FKBP1B: variants seen among roughly 807,000 people sequenced by gnomAD.
FKBP1B encodes peptidyl-prolyl cis-trans isomerase FKBP1B.
In FKBP1B, 4 loss-of-function variants were observed where a neutral mutation model predicts 13.5. The observed-to-expected ratio is 0.30, with a 90% CI of 0.15 to 0.68. The LOEUF is 0.68. FKBP1B is among the 30% of genes least tolerant of loss of function. The probability of loss-of-function intolerance (pLI) is 0.76; values close to 1 mark genes in which losing one functional copy is unlikely to be tolerated. For synonymous variants in FKBP1B, 54 were observed against 53.6 expected, an observed-to-expected ratio of 1.01 and a Z score of -0.03; for missense variants, 93 against 136.2, an observed-to-expected ratio of 0.68 and a Z score of 1.58.
At chr2:24,045,600 C>CA (rs869243363), upstream of FKBP1B, among the ~76,000 whole-genome samples, 291 of 64,252 alleles carry the variant, frequency 4.5e-3, 4 homozygotes, top group Non-Finnish European at 5.9e-3. Context: ...GACTCCATCT[C>CA]AAAAAAAAAA....
At chr2:24,038,220 G>A in the FKBP1B span, 6 of 1,614,172 alleles carry the variant, frequency 3.7e-6, no homozygotes, top group South Asian at 5.5e-5. Context: ...TAACAATCAA[G>A]CTAATGGCAT....
rs1306718253 is a variant in FKBP1B, at chr2:24,050,482, C to T, written c.37+596C>T. On this transcript the variant is annotated intron_variant, in intron 1 of 3. Coordinates refer to ENST00000380986, the MANE Select transcript of FKBP1B (RefSeq NM_004116.5). This position sits in a 1 kb window ranked among gnomAD's most constrained non-coding sequence, Gnocchi z 5.8. ...TGGCCACCCTGTCCACTCCCATGGCCTCCACATTGAAGCTTCTAAGCCCAG... is the reference window on the plus strand; with the variant it reads ...TGGCCACCCTGTCCACTCCCATGGCTTCCACATTGAAGCTTCTAAGCCCAG... Among the ~76,000 whole-genome samples, 1 of 152,172 alleles carries T rather than the reference C, an allele frequency of 6.6e-6. No homozygotes were observed. Among genetic ancestry groups the T allele is most frequent in the African/African-American group, 2.4e-5 (1 of 41,446 alleles).
the FKBP1B span, chr2:24,033,366 C>A: frequency 4.2e-6 from 1 of 238,006 alleles, no homozygotes; most frequent in Non-Finnish European, 8.6e-6. Context: ...AGAGGATTTG[C>A]ATAAAATAAA....
At chr2:24,034,546 A>G in the FKBP1B span, among the ~76,000 whole-genome samples, 1 of 151,848 alleles carries the variant, frequency 6.6e-6, no homozygotes, top group Non-Finnish European at 1.5e-5. Flanking sequence ...ATAAACTAAA[A>G]AACTGAGGAA....
upstream of FKBP1B, among the ~76,000 whole-genome samples, chr2:24,044,795 T>C (rs1483382682): frequency 6.9e-6 from 1 of 145,762 alleles, no homozygotes; most frequent in Non-Finnish European, 1.5e-5. Flanking sequence ...GCATACTATG[T>C]GTTGTTGGGC....
the FKBP1B span, among the ~76,000 whole-genome samples, chr2:24,036,238 G>T: frequency 6.6e-6 from 1 of 151,976 alleles, no homozygotes; most frequent in Admixed American, 6.6e-5. Flanking sequence ...ACATGCAGTG[G>T]CACACACCTG....
At chr2:24,055,981 G>A (rs913573607) in intron 2 of FKBP1B, among the ~76,000 whole-genome samples, 8 of 152,004 alleles carry the variant, frequency 5.3e-5, no homozygotes, top group African/African-American at 1.7e-4. Flanking sequence ...TTATTGTCAG[G>A]TTTTGGTTTT....
chr2:24,042,633 C>A, the FKBP1B span, among the ~76,000 whole-genome samples: 20 of 150,662 alleles, frequency 1.3e-4, no homozygotes, highest in Non-Finnish European at 2.5e-4. Context: ...CGCTTGAACC[C>A]GGGAGGTGGA....
chr2:24,039,720 C>G, the FKBP1B span, among the ~76,000 whole-genome samples: 1 of 152,248 alleles, frequency 6.6e-6, no homozygotes, highest in South Asian at 2.1e-4. Flanking sequence ...ATAAAATCTT[C>G]TACCTAATGA....
rs115528581 is a variant in FKBP1B at position 24,063,123 on chromosome 2, G to A, written c.258G>A (p.Thr86=). Residue 86 remains threonine, a synonymous_variant, in exon 4 of 4, where the codon ACG becomes ACA. Coordinates refer to ENST00000380986, the MANE Select transcript of FKBP1B (RefSeq NM_004116.5). ...TCTPDVAYGA[T]GHPGVIPPNA... ...CCCCTGATGTGGCATATGGAGCCAC[G>A]GGCCACCCCGGTGTCATCCCTCCCA... 656 of 1,613,722 alleles carry A rather than the reference G, an allele frequency of 4.1e-4. 13 individuals are homozygous for A. The East Asian group carries it at 0.014, about 35-fold the overall frequency.
chr2:24,043,470 C>A, the FKBP1B span, among the ~76,000 whole-genome samples: 1 of 151,484 alleles, frequency 6.6e-6, no homozygotes, highest in Non-Finnish European at 1.5e-5. Context: ...CTGGACAACA[C>A]AGCAAGATAC....
intron 2 of FKBP1B, among the ~76,000 whole-genome samples, chr2:24,059,091 A>G (rs1006687689): frequency 6.6e-6 from 1 of 152,238 alleles, no homozygotes; most frequent in Non-Finnish European, 1.5e-5. Flanking sequence ...CCAGTCTCAC[A>G]CAATGAGTTA....
the FKBP1B span, among the ~76,000 whole-genome samples, chr2:24,043,517 A>C: frequency 2.6e-5 from 4 of 151,670 alleles, no homozygotes; most frequent in African/African-American, 9.7e-5. Context: ...AAAACAAAAA[A>C]CCCCCCAACA....
the FKBP1B span, among the ~76,000 whole-genome samples, chr2:24,037,031 T>G: frequency 2.0e-5 from 3 of 152,238 alleles, no homozygotes; most frequent in African/African-American, 7.2e-5. Flanking sequence ...GAACATAACC[T>G]TTTCCTTTTT....
the FKBP1B span, chr2:24,037,798 C>T: frequency 2.5e-6 from 4 of 1,614,230 alleles, no homozygotes; most frequent in Non-Finnish European, 3.4e-6. Flanking sequence ...AACCAGGTTC[C>T]TAGATAAAAT....
At chr2:24,048,457 G>T, upstream of FKBP1B, among the ~76,000 whole-genome samples, 1 of 131,962 alleles carries the variant, frequency 7.6e-6, no homozygotes. Context: ...GCGACAGAGT[G>T]AAGATTCTGT....
At chr2:24,035,764 AT>A in the FKBP1B span, among the ~76,000 whole-genome samples, 5 of 151,188 alleles carry the variant, frequency 3.3e-5, no homozygotes, top group South Asian at 2.1e-4. Flanking sequence ...TTAAAAAAAA[AT>A]TTTTTTTAAT....
At chr2:24,040,847 T>C in the FKBP1B span, among the ~76,000 whole-genome samples, 1 of 151,768 alleles carries the variant, frequency 6.6e-6, no homozygotes, top group Non-Finnish European at 1.5e-5. Flanking sequence ...AGAAACCCCA[T>C]CTCTACTAAA....
chr2:24,052,974 T>TAA (rs889842047), intron 1 of FKBP1B, among the ~76,000 whole-genome samples: 2 of 146,738 alleles, frequency 1.4e-5, no homozygotes, highest in Non-Finnish European at 3.0e-5. Flanking sequence ...CCCCTACTCT[T>TAA]AAAAAAAAAA....
Sources: allele counts gnomAD v4.1 joint callset (sites outside exome capture counted in the v4.1 genomes callset), GRCh38; gene constraint gnomAD v4.1.1; non-coding constraint Gnocchi (gnomAD v3.1); transcripts MANE v1.5; gene names NCBI Gene and HGNC (gene_info 2026-07-23, HGNC 2026-07-21).